The following LARP4B variants were observed in gnomAD, a reference collection of about 807,000 sequenced individuals.
The protein encoded by LARP4B is la-related protein 4B.
In LARP4B, 12 loss-of-function variants were observed where a neutral mutation model predicts 89.8. That is an observed-to-expected ratio of 0.13 (90% confidence interval 0.09 to 0.22). LARP4B has a LOEUF of 0.22. Ranked by LOEUF, LARP4B falls within the 10% of genes least tolerant of loss-of-function variation. The probability of loss-of-function intolerance (pLI) is 1.00; values close to 1 mark genes in which losing one functional copy is unlikely to be tolerated. For synonymous variants in LARP4B, 367 were observed against 363.3 expected, an observed-to-expected ratio of 1.01 and a Z score of -0.12; for missense variants, 757 against 947.7, an observed-to-expected ratio of 0.80 and a Z score of 2.64.
the LARP4B span, among the ~76,000 whole-genome samples, chr10:981,582 G>GT: frequency 1.4e-4 from 21 of 151,906 alleles, no homozygotes; most frequent in Admixed American, 1.2e-3. Flanking sequence ...GTTTCGTTTT[G>GT]TTTTTTGAGA....
At position 826,995 on chromosome 10, in the gene LARP4B, C is replaced by T. The variant is rs183384776; in HGVS notation, c.1126-1125G>A. On this transcript the variant is annotated intron_variant, in intron 11 of 17. Coordinates refer to ENST00000316157, the MANE Select transcript of LARP4B (RefSeq NM_015155.3). ...ACTTTTTAAAATACATCACACATGG[C>T]CGGGCGCAGTGGCTCATGCCTATAA... Among the ~76,000 whole-genome samples, 866 of 152,292 alleles carry T rather than the reference C, an allele frequency of 5.7e-3. 9 individuals are homozygous for T. Among genetic ancestry groups the T allele is most frequent in the South Asian group, 7.9e-3 (38 of 4,826 alleles).
chr10:915,454 C>T (rs971919313), intron 1 of LARP4B, among the ~76,000 whole-genome samples: 32 of 152,118 alleles, frequency 2.1e-4, no homozygotes, highest in African/African-American at 1.7e-4. Flanking sequence ...GGTCTCATGT[C>T]GTCTTTTTAG....
chr10:962,863 C>T, the LARP4B span, among the ~76,000 whole-genome samples: 230 of 152,112 alleles, frequency 1.5e-3, 1 homozygote, highest in African/African-American at 5.4e-3. Context: ...TCAGTGAGCT[C>T]GGAAGACCAC....
the LARP4B span, among the ~76,000 whole-genome samples, chr10:950,623 G>C: frequency 2.0e-5 from 3 of 152,026 alleles, no homozygotes; most frequent in African/African-American, 4.8e-5. Context: ...TCTTCCAATC[G>C]ATGAACACCC....
chr10:863,774 T>C lies in LARP4B; in HGVS notation c.399A>G (p.Glu133=). 1 of 1,613,184 alleles carries C rather than the reference T, an allele frequency of 6.2e-7. No homozygotes were observed. Among genetic ancestry groups the C allele is most frequent in the Non-Finnish European group, 8.5e-7 (1 of 1,179,762 alleles). ...DMNALALGPS[E]YDSLPENSET... is the part of the protein sequence containing the mutation. The stretch of plus-strand genomic sequence containing the variant: ...CGCTATTTTCAGGCAGAGAGTCATA[T>C]TCTGAGGGACCCAGAGCGAGAGCGT... The change falls in exon 5 of 18, where the codon GAA becomes GAG. Residue 133 remains glutamate, a synonymous_variant. Coordinates refer to ENST00000316157, the MANE Select transcript of LARP4B (RefSeq NM_015155.3).
chr10:918,632 C>CAAAAAAAAA (rs57396015), intron 1 of LARP4B, among the ~76,000 whole-genome samples: 1 of 48,370 alleles, frequency 2.1e-5, no homozygotes, highest in Non-Finnish European at 4.2e-5. Flanking sequence ...GACCCTGTCT[C>CAAAAAAAAA]AAAAAAAAAA....
At chr10:867,417 C>T (rs1020090358) in intron 3 of LARP4B, among the ~76,000 whole-genome samples, 5 of 152,054 alleles carry the variant, frequency 3.3e-5, no homozygotes, top group Admixed American at 2.6e-4. Flanking sequence ...TAAGCAATTG[C>T]GTTCAGCAAA....
At chr10:862,634 C>T (rs1834685361) in intron 5 of LARP4B, among the ~76,000 whole-genome samples, 1 of 152,138 alleles carries the variant, frequency 6.6e-6, no homozygotes, top group South Asian at 2.1e-4. Context: ...GTGGCAGACG[C>T]CTGTAGTCCC....
intron 3 of LARP4B, among the ~76,000 whole-genome samples, chr10:876,103 C>T (rs1241393760): frequency 1.3e-5 from 2 of 152,054 alleles, no homozygotes; most frequent in South Asian, 2.1e-4. Context: ...AAAAAATTCC[C>T]GACCAGGTGC....
At chr10:830,788 C>A in intron 9 of LARP4B, 79 bp downstream of exon 9, 2 of 684,868 alleles carry the variant, frequency 2.9e-6, no homozygotes, top group East Asian at 2.8e-5. Context: ...TCTCAATGCC[C>A]AAGTTTAGTC....
chr10:851,154 A>C (rs1834027512), intron 5 of LARP4B, among the ~76,000 whole-genome samples: 2 of 151,936 alleles, frequency 1.3e-5, no homozygotes, highest in Admixed American at 1.3e-4. Context: ...AACAAATGAG[A>C]AAAATCGATA....
At chr10:906,866 AACC>A (rs1836506867) in intron 1 of LARP4B, among the ~76,000 whole-genome samples, 1 of 152,208 alleles carries the variant, frequency 6.6e-6, no homozygotes, top group Non-Finnish European at 1.5e-5. Flanking sequence ...CTGTGCAGAA[AACC>A]ACCAACTGAA....
chr10:833,274 A>AAAC (rs1833013649), intron 8 of LARP4B, among the ~76,000 whole-genome samples: 1 of 143,932 alleles, frequency 6.9e-6, no homozygotes, highest in Non-Finnish European at 1.5e-5. Context: ...AAAAAAAAAA[A>AAAC]AAAAAAAAAA....
At chr10:826,090 CGAG>C (rs1564386006) in intron 11 of LARP4B, among the ~76,000 whole-genome samples, 2 of 152,190 alleles carry the variant, frequency 1.3e-5, no homozygotes, top group African/African-American at 4.8e-5. Context: ...AACAATCCAG[CGAG>C]GAGAACTGAC....
intron 8 of LARP4B, among the ~76,000 whole-genome samples, chr10:836,067 GTTT>G (rs34751155): frequency 1.3e-5 from 2 of 151,792 alleles, no homozygotes; most frequent in African/African-American, 2.4e-5. Context: ...GTTTTGAAAA[GTTT>G]TTTTTATCAC....
At chr10:823,681 G>T (rs541509019) in intron 13 of LARP4B, among the ~76,000 whole-genome samples, 4 of 151,796 alleles carry the variant, frequency 2.6e-5, no homozygotes, top group Admixed American at 2.6e-4. Context: ...TTGATGAGTA[G>T]GGCTCTGTCC....
intron 8 of LARP4B, among the ~76,000 whole-genome samples, chr10:835,249 CAG>C (rs1564393665): frequency 6.6e-6 from 1 of 152,126 alleles, no homozygotes; most frequent in Non-Finnish European, 1.5e-5. Flanking sequence ...TTACGCTAGG[CAG>C]AGAGCTTTGT....
intron 5 of LARP4B, among the ~76,000 whole-genome samples, chr10:856,860 T>C (rs1397869321): frequency 1.3e-5 from 2 of 152,166 alleles, no homozygotes. Flanking sequence ...TGCTGGGGTT[T>C]AATCAGAGCA....
In LARP4B at chr10:829,848, G is replaced by A. The variant is rs900714083; in HGVS notation, c.862-114C>T. ...ATATATAATTAAATTATGGTGAACAGAACCTAGAATAATGATTCTTGACAC... is the reference window on the plus strand; with the variant it reads ...ATATATAATTAAATTATGGTGAACAAAACCTAGAATAATGATTCTTGACAC... On this transcript the variant is annotated intron_variant, in intron 9 of 17. Transcript: ENST00000316157. The A allele has an allele frequency of 4.1e-6, 3 of 735,006 alleles. No individual in the cohort carries two copies. The African/African-American group carries it at 5.3e-5, about 13-fold the overall frequency. The allele number at this position is 735,006 out of a possible 1,614,324, so 45.5% of individuals were successfully genotyped here.
Sources: gnomAD v4.1 joint callset for allele counts (sites outside exome capture counted in the v4.1 genomes callset) on GRCh38, gnomAD v4.1.1 for gene constraint, MANE v1.5 for transcripts, NCBI Gene and HGNC (gene_info 2026-07-23, HGNC 2026-07-21) for gene names.